Variants in SHTN1 observed in about 807,000 individuals in gnomAD.
The protein encoded by SHTN1 is shootin 1.
A neutral mutation model predicts 83.1 loss-of-function variants in SHTN1; 42 were observed. That is an observed-to-expected ratio of 0.51 (90% confidence interval 0.39 to 0.65). The LOEUF (loss-of-function observed/expected upper bound fraction) is 0.65. Ranked by LOEUF, SHTN1 falls within the 30% of genes least tolerant of loss-of-function variation. SHTN1 has a pLI of 0.00. For synonymous variants in SHTN1, 224 were observed against 247.7 expected, an observed-to-expected ratio of 0.90 and a Z score of 0.90; for missense variants, 622 against 737.8, an observed-to-expected ratio of 0.84 and a Z score of 1.82.
At chr10:116,957,751 C>A (rs750755096) in intron 4 of SHTN1, among the ~76,000 whole-genome samples, 75 of 152,034 alleles carry the variant, frequency 4.9e-4, no homozygotes, top group Non-Finnish European at 9.7e-4. Flanking sequence ...GCAAAGTATC[C>A]ATACTTGCTT....
At chr10:116,976,133 G>A (rs1850798311) in intron 2 of SHTN1, among the ~76,000 whole-genome samples, 2 of 152,142 alleles carry the variant, frequency 1.3e-5, no homozygotes, top group African/African-American at 4.8e-5. Context: ...TCAAGCCCTG[G>A]GGTACTGTTC....
At chr10:116,929,183 T>C (rs1431361217) in intron 10 of SHTN1, among the ~76,000 whole-genome samples, 1 of 152,184 alleles carries the variant, frequency 6.6e-6, no homozygotes, top group Non-Finnish European at 1.5e-5. Flanking sequence ...TTGAAGCTAT[T>C]ATAAAGGGAA....
chr10:116,929,008 A>C (rs1848851682), intron 10 of SHTN1, among the ~76,000 whole-genome samples: 2 of 152,218 alleles, frequency 1.3e-5, no homozygotes, highest in Admixed American at 6.5e-5. Flanking sequence ...AAAAAGAATG[A>C]AATACTTCTT....
intron 1 of SHTN1, among the ~76,000 whole-genome samples, chr10:117,058,478 C>T (rs1852856370): frequency 6.6e-6 from 1 of 152,078 alleles, no homozygotes; most frequent in Non-Finnish European, 1.5e-5. Context: ...CAATGAGATA[C>T]CACCTCACAC....
At chr10:117,121,344 G>A (rs962387103) in intron 1 of SHTN1, among the ~76,000 whole-genome samples, 8 of 151,710 alleles carry the variant, frequency 5.3e-5, no homozygotes, top group East Asian at 2.0e-4. Context: ...TTGGGAGGCC[G>A]AGGTGGGAGG....
chr10:116,972,799 G>A (rs1242542650), intron 2 of SHTN1, among the ~76,000 whole-genome samples: 1 of 152,200 alleles, frequency 6.6e-6, no homozygotes, highest in African/African-American at 2.4e-5. Flanking sequence ...CACAACTGCT[G>A]GCTCATGTAA....
intron 1 of SHTN1, among the ~76,000 whole-genome samples, chr10:117,061,873 A>G (rs1852909088): frequency 2.0e-5 from 3 of 152,210 alleles, no homozygotes; most frequent in Non-Finnish European, 2.9e-5. Flanking sequence ...ATTCCATGCT[A>G]TGTTTTAAAA....
At chr10:117,004,151 T>C (rs1037284036) in intron 1 of SHTN1, among the ~76,000 whole-genome samples, 3 of 152,126 alleles carry the variant, frequency 2.0e-5, no homozygotes, top group African/African-American at 7.2e-5. Context: ...CCTCCCAAAT[T>C]GCTGAGATTA....
chr10:117,027,840 A>T (rs1461432219), intron 2 of SHTN1, among the ~76,000 whole-genome samples: 3 of 152,132 alleles, frequency 2.0e-5, no homozygotes, highest in Non-Finnish European at 4.4e-5. Flanking sequence ...CTAATATAGG[A>T]AGTTGGTACC....
At chr10:116,956,168 T>TG (rs1461869346) in intron 4 of SHTN1, among the ~76,000 whole-genome samples, 3 of 152,238 alleles carry the variant, frequency 2.0e-5, no homozygotes, top group Non-Finnish European at 4.4e-5. Context: ...TCAGAATCTC[T>TG]GGAGAGCTTT....
chr10:116,945,890 T>C (rs929769440), intron 7 of SHTN1, among the ~76,000 whole-genome samples: 5 of 152,118 alleles, frequency 3.3e-5, no homozygotes, highest in Non-Finnish European at 7.3e-5. Flanking sequence ...GAATAGTATA[T>C]AGCAGTGAAA....
At chr10:117,088,604 A>C (rs1200508801) in intron 1 of SHTN1, among the ~76,000 whole-genome samples, 1 of 152,084 alleles carries the variant, frequency 6.6e-6, no homozygotes, top group Non-Finnish European at 1.5e-5. Context: ...AATTTCCTCC[A>C]CCCTCCTTTG....
chr10:116,990,287 C>T (rs75485544), intron 1 of SHTN1, among the ~76,000 whole-genome samples: 110 of 119,760 alleles, frequency 9.2e-4, no homozygotes, highest in Middle Eastern at 5.7e-3. Context: ...TTTTTTCTTT[C>T]TTTTTTTTTT....
rs143321096 is a variant in SHTN1 at position 116,918,024 on chromosome 10, T to TC, written c.1196-2541dup. Among the ~76,000 whole-genome samples, 61 of 152,284 alleles carry TC rather than the reference T, an allele frequency of 4.0e-4. No individual in the cohort carries two copies. In the East Asian group the frequency reaches 0.011, roughly 28 times the overall value. On this transcript the variant is annotated intron_variant, in intron 12 of 16. Coordinates refer to ENST00000355371, the MANE Select transcript of SHTN1 (RefSeq NM_001127211.3). ...TAAACTATTAAGCAGTTCTAATAAA[T>TC]CTGCAAGAATCACCTACAGAGAGCT...
chr10:117,002,720 A>C lies in SHTN1; in HGVS notation c.58+2302T>G, dbSNP rs139505013. ...AATTGTTTCCACAGTCTGTGATCCA[A>C]TGACAAGCAAACTACCTGGTTTTGA... On this transcript the variant is annotated intron_variant, in intron 1 of 16. Coordinates refer to ENST00000355371, the MANE Select transcript of SHTN1 (RefSeq NM_001127211.3). Among the ~76,000 whole-genome samples the C allele has an allele frequency of 7.0e-3, 1,069 of 152,346 alleles. 5 individuals are homozygous for C. The highest frequency in any genetic ancestry group is 0.012 in the Non-Finnish European group (793 of 68,038).
intron 1 of SHTN1, among the ~76,000 whole-genome samples, chr10:117,076,558 T>C (rs1056645886): frequency 2.8e-5 from 4 of 144,772 alleles, no homozygotes; most frequent in Admixed American, 2.1e-4. Context: ...CAAATAAACA[T>C]ATGTATACCA....
chr10:116,893,982 A>G (rs2133308712), intron 16 of SHTN1, among the ~76,000 whole-genome samples: 2 of 152,334 alleles, frequency 1.3e-5, no homozygotes, highest in South Asian at 4.1e-4. Context: ...TCATTTTTCT[A>G]CATTAGTTTC....
intron 16 of SHTN1, chr10:116,900,706 G>A (rs775250406): frequency 1.2e-5 from 12 of 984,190 alleles, no homozygotes; most frequent in Non-Finnish European, 1.4e-5. Context: ...GAAAGATGGA[G>A]AATGAATATA....
At chr10:117,087,442 C>G (rs1385958944) in intron 1 of SHTN1, among the ~76,000 whole-genome samples, 1 of 152,094 alleles carries the variant, frequency 6.6e-6, no homozygotes, top group Non-Finnish European at 1.5e-5. Flanking sequence ...AAAGCCACCA[C>G]ATAGATACAT....
Sources: allele counts gnomAD v4.1 joint callset (sites outside exome capture counted in the v4.1 genomes callset), GRCh38; gene constraint gnomAD v4.1.1; transcripts MANE v1.5; gene names NCBI Gene and HGNC (gene_info 2026-07-23, HGNC 2026-07-21).